UBE3B: variants seen among roughly 807,000 people sequenced by gnomAD.
UBE3B encodes the protein ubiquitin-protein ligase E3B.
A neutral mutation model predicts 132.3 loss-of-function variants in UBE3B; 80 were observed. The ratio of observed to expected loss-of-function variants is 0.60; its 90% CI spans 0.50 to 0.73. UBE3B has a LOEUF of 0.73. Among genes scored for constraint, UBE3B ranks in the 30% least tolerant of loss-of-function variants. The pLI, the probability that UBE3B is intolerant of heterozygous loss-of-function variation, is 0.00. For missense variants in UBE3B, 1,196 were observed against 1,362.5 expected, an observed-to-expected ratio of 0.88 and a Z score of 1.92; for synonymous variants, 487 against 520.4, an observed-to-expected ratio of 0.94 and a Z score of 0.87.
At chr12:109,490,876 A>G in intron 8 of UBE3B, 169 bp from the exon 9 acceptor site, 1 of 1,075,672 alleles carries the variant, frequency 9.3e-7, no homozygotes. Context: ...GGCCTCAAGG[A>G]ATCTTCCTGC....
At chr12:109,502,842 A>G (rs1180789464) in intron 13 of UBE3B, among the ~76,000 whole-genome samples, 181 bp from the exon 14 acceptor site, 1 of 152,246 alleles carries the variant, frequency 6.6e-6, no homozygotes, top group Non-Finnish European at 1.5e-5. Context: ...GGTTGTACCT[A>G]AAAACCTGTT....
At chr12:109,540,957 G>A (rs1033184066), downstream of UBE3B, among the ~76,000 whole-genome samples, 2 of 152,198 alleles carry the variant, frequency 1.3e-5, no homozygotes, top group South Asian at 2.1e-4. Flanking sequence ...CGGGAGCTGA[G>A]GTGGTCCTCT....
intron 15 of UBE3B, chr12:109,508,786 G>A (rs779401795): frequency 9.3e-6 from 9 of 964,268 alleles, no homozygotes; most frequent in Non-Finnish European, 1.1e-5. Flanking sequence ...ATAGAGCTGT[G>A]TCTTAAATGG....
downstream of UBE3B, among the ~76,000 whole-genome samples, chr12:109,539,295 T>A (rs185313995): frequency 6.2e-3 from 944 of 152,298 alleles, 11 homozygotes; most frequent in Non-Finnish European, 7.0e-3. Context: ...CATTCATAGT[T>A]CTCACCACCC....
At position 109,534,910 on chromosome 12, in the gene UBE3B, A is replaced by G; in HGVS notation, c.*128A>G. On this transcript the variant is annotated 3_prime_UTR_variant, in exon 28 of 28. Coordinates refer to ENST00000342494, the MANE Select transcript of UBE3B (RefSeq NM_130466.4). The surrounding 1 kb of genome is among the most constrained non-coding windows in gnomAD (Gnocchi z 5.2). ...TGGCCCCTAGACCCTCTCTATAGCC[A>G]TGAGACTCCTTGTGGCCTCAAGAAA... 1 of 717,678 alleles carries G rather than the reference A, an allele frequency of 1.4e-6. No homozygotes were observed. The highest frequency in any genetic ancestry group is 2.1e-6 in the Non-Finnish European group (1 of 477,868). 44.5% of individuals were successfully genotyped at this position (717,678 alleles called of 1,614,324 possible).
chr12:109,511,350 C>T (rs755107792), intron 18 of UBE3B, 47 bp downstream of exon 18: 5 of 1,564,468 alleles, frequency 3.2e-6, no homozygotes, highest in South Asian at 2.3e-5. Context: ...TCTATTCCCC[C>T]ACGTGGTTCC....
intron 14 of UBE3B, among the ~76,000 whole-genome samples, chr12:109,504,289 T>A (rs1390441354): frequency 2.0e-5 from 3 of 152,216 alleles, no homozygotes; most frequent in Admixed American, 6.5e-5. Flanking sequence ...GCCAAACATA[T>A]CTTCAAATTT....
In UBE3B at chr12:109,509,712, T is replaced by C; in HGVS notation, c.1739T>C (p.Val580Ala). Residue 580 changes from valine (V) to alanine (A), a missense_variant and splice_region_variant, in exon 16 of 28, where the codon GTA (valine) becomes GCA (alanine). Transcript: ENST00000342494. ...TTTAAGATGATCTGGGATGGAATTG[T>C]AGGTAAGAGAAAAGGTGTCTGCTGT... ...FVFKMIWDGI[V>A]ENAKGETLEL... 6.3e-7 allele frequency: 1 copy of C among 1,598,298 alleles called. No individual in the cohort carries two copies. Among genetic ancestry groups the C allele is most frequent in the Non-Finnish European group, 8.5e-7 (1 of 1,173,184 alleles).
At chr12:109,490,554 C>T in intron 8 of UBE3B, 1 of 1,536,008 alleles carries the variant, frequency 6.5e-7, no homozygotes, top group Non-Finnish European at 8.7e-7. Flanking sequence ...GTGAGGTGGT[C>T]CGTTGGCAGA....
chr12:109,533,503 T>C lies in UBE3B; in HGVS notation c.2960T>C (p.Phe987Ser). The C allele has an allele frequency of 6.2e-7, 1 of 1,614,076 alleles. No individual in the cohort carries two copies. Among genetic ancestry groups the C allele is most frequent in the Non-Finnish European group, 8.5e-7 (1 of 1,180,026 alleles). Residue 987 changes from phenylalanine (F) to serine (S), a missense_variant, in exon 27 of 28, where the codon TTC (phenylalanine) becomes TCC (serine). Phe to Ser is a radical substitution (Grantham distance 155). Transcript: ENST00000342494. ...TGCTCCAGACCCCCGCTCCTGGGAT[T>C]CGCCTACCTCAAGCCTCCATTCTCC... is the stretch of plus-strand genomic sequence containing the variant. ...TSCSRPPLLGFAYLKPPFSIR... is the reference protein window; with the variant it reads ...TSCSRPPLLGSAYLKPPFSIR...
chr12:109,495,479 C>A (rs1439258685), intron 9 of UBE3B, among the ~76,000 whole-genome samples: 1 of 152,178 alleles, frequency 6.6e-6, no homozygotes, highest in Non-Finnish European at 1.5e-5. Flanking sequence ...GCAACCATCA[C>A]CTGCTGAGAC....
Position 109,511,099 on chromosome 12 carries a change from C to T in UBE3B, c.1857-105C>T, listed in dbSNP as rs557047411. 291 of 963,666 alleles carry T rather than the reference C, an allele frequency of 3.0e-4. No homozygotes were observed. The African/African-American group carries it at 4.3e-3, about 14-fold the overall frequency. 59.7% of individuals were successfully genotyped at this position (963,666 alleles called of 1,614,324 possible). On this transcript the variant is annotated intron_variant, in intron 17 of 27. Coordinates refer to ENST00000342494, the MANE Select transcript of UBE3B (RefSeq NM_130466.4). ...ATGTTCCCATCAGACTCTTGAGAAA[C>T]AGACAGCACCCTGCATGTGGCCCAC...
rs749845480 is a variant in UBE3B, at chr12:109,503,075, G to T, written c.1335G>T (p.Arg445Ser). The T allele has an allele frequency of 1.2e-6, 2 of 1,614,198 alleles. No individual in the cohort carries two copies. Among genetic ancestry groups the T allele is most frequent in the Non-Finnish European group, 1.7e-6 (2 of 1,180,036 alleles). Residue 445 changes from arginine (R) to serine (S), a missense_variant, in exon 14 of 28, where the codon AGG becomes AGT. Transcript: ENST00000342494. Reference protein sequence around the residue: ...QKSASVRNILRPVGGKRVDSA... With the variant: ...QKSASVRNILSPVGGKRVDSA... Reference sequence around the variant, plus strand: ...CGGCATCAGTCCGGAATATTCTCAGGCCTGTCGGGGGTAAACGGGTCGACT... The same window carrying T: ...CGGCATCAGTCCGGAATATTCTCAGTCCTGTCGGGGGTAAACGGGTCGACT...
rs183990347 is a variant in UBE3B, at chr12:109,524,367, A to G, written c.2503-71A>G. 406 of 1,573,956 alleles carry G rather than the reference A, an allele frequency of 2.6e-4. 1 individual carries two copies. The highest frequency in any genetic ancestry group is 3.2e-4 in the Non-Finnish European group (371 of 1,144,894). On this transcript the variant is annotated intron_variant, in intron 22 of 27. Transcript: ENST00000342494. ...TTCCCAGCACCAAAGCAGCGCCTCA[A>G]GGGAGGGTTAAACCTCTTAAGCACA...
In UBE3B at chr12:109,521,945, C is replaced by T. The variant is rs999161180; in HGVS notation, c.2364+394C>T. 6.6e-6 allele frequency among the ~76,000 whole-genome samples: 1 copy of T among 152,166 alleles called. No individual in the cohort carries two copies. The highest frequency in any genetic ancestry group is 2.4e-5 in the African/African-American group (1 of 41,436). On this transcript the variant is annotated intron_variant, in intron 21 of 27. Transcript: ENST00000342494. This position sits in a 1 kb window ranked among gnomAD's most constrained non-coding sequence, Gnocchi z 4.2. ...TGGTGTGCAGAGCCAGATGGCCACA[C>T]GGAGGCTGGGTCCCCGTTGTAGGAG...
rs780649712 is a variant in UBE3B, at chr12:109,483,853, T to C, written c.162-8T>C. Reference sequence around the variant, plus strand: ...TTAAAATGTCTTTTTTTGCACTTTCTTTTCTAGGAGAGAGATTGATGACTT... The same window carrying C: ...TTAAAATGTCTTTTTTTGCACTTTCCTTTCTAGGAGAGAGATTGATGACTT... On this transcript the variant is annotated splice_region_variant and splice_polypyrimidine_tract_variant and intron_variant, in intron 3 of 27. Coordinates refer to ENST00000342494, the MANE Select transcript of UBE3B (RefSeq NM_130466.4). 3 of 1,603,472 alleles carry C rather than the reference T, an allele frequency of 1.9e-6. No homozygotes were observed. In the Admixed American group the frequency reaches 5.1e-5, roughly 27 times the overall value.
At chr12:109,488,071 A>G (rs889644701) in intron 6 of UBE3B, among the ~76,000 whole-genome samples, 1 of 152,234 alleles carries the variant, frequency 6.6e-6, no homozygotes, top group East Asian at 1.9e-4. Flanking sequence ...GCATTAATCC[A>G]TTTATTTCTC....
At chr12:109,524,154 G>GT in intron 22 of UBE3B, 39 bp downstream of exon 22, 1 of 1,611,690 alleles carries the variant, frequency 6.2e-7, no homozygotes, top group Non-Finnish European at 8.5e-7. Context: ...CCGAGCACTG[G>GT]TGTGAACTCA....
Position 109,533,906 on chromosome 12 carries a change from G to A in UBE3B, c.3015+348G>A, listed in dbSNP as rs796559892. 8 of 1,331,160 alleles carry A rather than the reference G, an allele frequency of 6.0e-6. 1 individual carries two copies. In the African/African-American group the frequency reaches 1.0e-4, roughly 17 times the overall value. The allele number at this position is 1,331,160 out of a possible 1,614,324, so 82.5% of individuals were successfully genotyped here. On this transcript the variant is annotated intron_variant, in intron 27 of 27. Coordinates refer to ENST00000342494, the MANE Select transcript of UBE3B (RefSeq NM_130466.4). ...AGAAAGTGAGAGAGTGGGCTCAGGAGGCAGGCAGGCGCAGACTCGAATGCT... is the reference window on the plus strand; with the variant it reads ...AGAAAGTGAGAGAGTGGGCTCAGGAAGCAGGCAGGCGCAGACTCGAATGCT...
Sources: allele counts gnomAD v4.1 joint callset (sites outside exome capture counted in the v4.1 genomes callset), GRCh38; gene constraint gnomAD v4.1.1; non-coding constraint Gnocchi (gnomAD v3.1); transcripts MANE v1.5; gene names NCBI Gene and HGNC (gene_info 2026-07-23, HGNC 2026-07-21).